The following SIK3 variants were observed in gnomAD, a reference collection of about 807,000 sequenced individuals.
SIK3 encodes SIK family kinase 3, also known as serine/threonine-protein kinase SIK3.
A neutral mutation model predicts 144.2 loss-of-function variants in SIK3; 28 were observed. That is an observed-to-expected ratio of 0.19 (90% CI 0.14 to 0.27). The LOEUF (loss-of-function observed/expected upper bound fraction) is 0.27. Ranked by LOEUF, SIK3 falls within the 10% of genes least tolerant of loss-of-function variation. SIK3 has a pLI of 1.00. For synonymous variants in SIK3, 686 were observed against 676.3 expected, an observed-to-expected ratio of 1.01 and a Z score of -0.22; for missense variants, 1,319 against 1,776.0, an observed-to-expected ratio of 0.74 and a Z score of 4.62.
At chr11:116,946,062 A>G (rs11216197) in intron 3 of SIK3, among the ~76,000 whole-genome samples, 11,075 of 152,200 alleles carry the variant, frequency 0.073, 491 homozygotes, top group Middle Eastern at 0.11. Context: ...CTTCATGTGC[A>G]AGGCTAATTT....
intron 3 of SIK3, among the ~76,000 whole-genome samples, chr11:116,936,919 C>A (rs1448805213): frequency 2.6e-5 from 4 of 152,228 alleles, no homozygotes; most frequent in African/African-American, 7.2e-5. Flanking sequence ...TCATCCCCAT[C>A]CCCAGCTGAA....
At chr11:117,056,554 TATAGATATAGATATAG>T in intron 1 of SIK3, among the ~76,000 whole-genome samples, 1 of 105,530 alleles carries the variant, frequency 9.5e-6, no homozygotes, top group South Asian at 2.8e-4. Flanking sequence ...TAGATATAGA[TATAGATATAGATATAG>T]ATATAGATAT....
chr11:116,940,767 T>TG (rs1363011294), intron 3 of SIK3, among the ~76,000 whole-genome samples: 4 of 150,586 alleles, frequency 2.7e-5, no homozygotes, highest in Non-Finnish European at 5.9e-5. Context: ...TCTCTCCACT[T>TG]GCACACTCCT....
At chr11:116,873,858 C>G (rs1944099678) in intron 12 of SIK3, 45 bp downstream of exon 12, 1 of 1,574,066 alleles carries the variant, frequency 6.4e-7, no homozygotes, top group South Asian at 1.2e-5. Flanking sequence ...AAAGGAAGCT[C>G]AAGTTTGTTT....
At chr11:117,010,088 A>T (rs1030984532) in intron 1 of SIK3, among the ~76,000 whole-genome samples, 9 of 152,162 alleles carry the variant, frequency 5.9e-5, no homozygotes, top group African/African-American at 1.7e-4. Context: ...GGACGGTGGG[A>T]AGTGGCTTCT....
Position 116,873,969 on chromosome 11 carries a change from A to G in SIK3, c.1515T>C (p.Asn505=), listed in dbSNP as rs1419098867. 3 of 1,613,972 alleles carry G rather than the reference A, an allele frequency of 1.9e-6. No homozygotes were observed. Among genetic ancestry groups the G allele is most frequent in the Non-Finnish European group, 2.5e-6 (3 of 1,180,000 alleles). ...PQAPFLQVAP[N]VNFMHNLLPM... is the part of the protein sequence containing the mutation. ...GCAACAGGTTGTGCATGAAGTTCACATTAGGGGCCACCTGCAGGAATGGAG... is the reference window on the plus strand; with the variant it reads ...GCAACAGGTTGTGCATGAAGTTCACGTTAGGGGCCACCTGCAGGAATGGAG... The change falls in exon 12 of 25, where the codon AAT becomes AAC. Residue 505 remains asparagine, a synonymous_variant. Transcript: ENST00000445177.
intron 4 of SIK3, among the ~76,000 whole-genome samples, chr11:116,910,267 T>A (rs1184227712): frequency 1.3e-5 from 2 of 152,092 alleles, no homozygotes; most frequent in Admixed American, 1.3e-4. Flanking sequence ...AGGTTTTCCT[T>A]CTTTTCCTTC....
intron 1 of SIK3, among the ~76,000 whole-genome samples, chr11:116,991,686 A>G (rs754480805): frequency 6.6e-6 from 1 of 152,206 alleles, no homozygotes; most frequent in African/African-American, 2.4e-5. Flanking sequence ...AAACTATTTC[A>G]CAATCGGCCT....
chr11:116,868,183 A>C (rs1638304456), intron 14 of SIK3, 94 bp from the exon 15 acceptor site: 4 of 1,478,230 alleles, frequency 2.7e-6, no homozygotes, highest in Non-Finnish European at 3.7e-6. Context: ...GCACTCAATG[A>C]AATAGTGCCA....
chr11:116,862,004 A>C lies in SIK3; in HGVS notation c.2230-78T>G. 3.9e-6 allele frequency: 5 copies of C among 1,268,526 alleles called. No individual in the cohort carries two copies. In the South Asian group the frequency reaches 6.4e-5, roughly 16 times the overall value. 78.6% of individuals were successfully genotyped at this position (1,268,526 alleles called of 1,614,324 possible). A position where few individuals can be genotyped will look rare whatever the true frequency, so the allele number is the denominator to read the frequency against. On this transcript the variant is annotated intron_variant, in intron 17 of 24. Transcript: ENST00000445177. ...CAGAGCTATTCTCAGGAAGGGAAGA[A>C]ACAGAAAGAACTATCTGTGTCTCAG...
rs542079937 is a variant in SIK3, at chr11:116,876,360, T to C, written c.988A>G (p.Ile330Val). The change falls in exon 8 of 25, where the codon ATA becomes GTA. Residue 330 changes from isoleucine (I) to valine (V), a missense_variant. Physicochemically the swap from Ile to Val is conservative, Grantham distance 29. This residue lies in a region of SIK3 where 34 missense variants were observed against 56.1 expected (regional missense o/e 0.61). Transcript: ENST00000445177. ...GDADPNFDRLIAECQQLKEER... is the reference protein window; with the variant it reads ...GDADPNFDRLVAECQQLKEER... The stretch of plus-strand genomic sequence containing the variant: ...TCCTTTAGTTGTTGGCATTCAGCTA[T>C]TAACTGTAACATAAAAAGGAGGAAG... 2 of 1,612,448 alleles carry C rather than the reference T, an allele frequency of 1.2e-6. No individual in the cohort carries two copies. The highest frequency in any genetic ancestry group is 2.2e-5 in the South Asian group (2 of 91,030).
chr11:116,927,501 G>A, intron 3 of SIK3, 121 bp from the exon 4 acceptor site: 2 of 825,840 alleles, frequency 2.4e-6, no homozygotes, highest in South Asian at 1.7e-5. Context: ...AATGAGCAAT[G>A]AGAGAACAAC....
At chr11:116,961,505 G>T (rs1949346915) in intron 1 of SIK3, among the ~76,000 whole-genome samples, 1 of 152,202 alleles carries the variant, frequency 6.6e-6, no homozygotes, top group Non-Finnish European at 1.5e-5. Context: ...GTACACACCA[G>T]TTGCTTGAAA....
At chr11:116,890,734 C>T (rs139167604) in intron 6 of SIK3, among the ~76,000 whole-genome samples, 197 of 152,092 alleles carry the variant, frequency 1.3e-3, no homozygotes, top group African/African-American at 4.5e-3. Flanking sequence ...TTCTAGAATA[C>T]AGGAGTGGGT....
intron 1 of SIK3, among the ~76,000 whole-genome samples, chr11:117,081,577 T>C (rs544119982): frequency 1.3e-5 from 2 of 152,284 alleles, no homozygotes; most frequent in East Asian, 3.9e-4. Context: ...TGAGCCGAGA[T>C]GGCGCCACTG....
chr11:116,905,257 T>G (rs1591286253), intron 4 of SIK3, among the ~76,000 whole-genome samples: 1 of 152,218 alleles, frequency 6.6e-6, no homozygotes, highest in African/African-American at 2.4e-5. Flanking sequence ...ATTTTGGAGG[T>G]TCATCCATGT....
chr11:116,922,498 G>A (rs1035390616), intron 4 of SIK3, among the ~76,000 whole-genome samples: 7 of 151,892 alleles, frequency 4.6e-5, no homozygotes, highest in Non-Finnish European at 1.0e-4. Context: ...AAAAAAGAAG[G>A]GGGAAGGGGC....
At chr11:116,933,909 G>A (rs1222614671) in intron 3 of SIK3, among the ~76,000 whole-genome samples, 2 of 152,022 alleles carry the variant, frequency 1.3e-5, no homozygotes. Flanking sequence ...ATGCCACCTT[G>A]CTATTTCTCA....
At chr11:116,971,947 G>A (rs939513773) in intron 1 of SIK3, among the ~76,000 whole-genome samples, 2 of 152,024 alleles carry the variant, frequency 1.3e-5, no homozygotes, top group Non-Finnish European at 2.9e-5. Context: ...AATTACCTGG[G>A]CGTGGTGGCA....
Sources: gnomAD v4.1 joint callset for allele counts (sites outside exome capture counted in the v4.1 genomes callset) on GRCh38, gnomAD v4.1.1 for gene constraint, gnomAD v4.1.1 regional missense constraint, MANE v1.5 for transcripts, NCBI Gene and HGNC (gene_info 2026-07-23, HGNC 2026-07-21) for gene names.